Variants in SAMTOR observed in about 807,000 individuals in gnomAD.
The protein encoded by SAMTOR is UPF0532 protein C7orf60.
the SAMTOR span, among the ~76,000 whole-genome samples, chr7:112,930,972 G>T: frequency 2.0e-5 from 3 of 152,282 alleles, no homozygotes; most frequent in African/African-American, 7.2e-5. Flanking sequence ...TGCAACAGAG[G>T]AAAGTACACA....
chr7:112,879,812 GT>G, the SAMTOR span, among the ~76,000 whole-genome samples: 1 of 152,060 alleles, frequency 6.6e-6, no homozygotes. Context: ...TCTGGTAAGG[GT>G]TTTAGCTTAA....
At chr7:112,874,991 C>T in the SAMTOR span, among the ~76,000 whole-genome samples, 4 of 152,086 alleles carry the variant, frequency 2.6e-5, no homozygotes, top group Admixed American at 6.5e-5. Context: ...AAGTGCTAAG[C>T]GCTTAGACTA....
the SAMTOR span, among the ~76,000 whole-genome samples, chr7:112,918,698 A>C: frequency 6.6e-6 from 1 of 152,188 alleles, no homozygotes; most frequent in Non-Finnish European, 1.5e-5. Flanking sequence ...GTATTCAGGA[A>C]ACCCATCTCA....
chr7:112,834,391 TTTTCAA>T, the SAMTOR span, among the ~76,000 whole-genome samples: 1 of 152,188 alleles, frequency 6.6e-6, no homozygotes, highest in African/African-American at 2.4e-5. Flanking sequence ...ACTTTTTTTT[TTTTCAA>T]TTTCATTTTT....
At chr7:112,892,662 C>G in the SAMTOR span, among the ~76,000 whole-genome samples, 1 of 151,806 alleles carries the variant, frequency 6.6e-6, no homozygotes, top group African/African-American at 2.4e-5. Context: ...GTGCCAGCTA[C>G]TGGGGAGGCT....
the SAMTOR span, among the ~76,000 whole-genome samples, chr7:112,884,634 T>C: frequency 6.6e-6 from 1 of 152,210 alleles, no homozygotes; most frequent in African/African-American, 2.4e-5. Flanking sequence ...CTGCAAGAGG[T>C]AGCCTCCCAC....
At chr7:112,910,523 C>T in the SAMTOR span, among the ~76,000 whole-genome samples, 1 of 152,112 alleles carries the variant, frequency 6.6e-6, no homozygotes, top group African/African-American at 2.4e-5. Flanking sequence ...GATTGATCCA[C>T]AAGCCAAAAT....
chr7:112,848,155 A>G, the SAMTOR span, among the ~76,000 whole-genome samples: 87 of 152,204 alleles, frequency 5.7e-4, no homozygotes, highest in African/African-American at 2.0e-3. Flanking sequence ...TCTGTATCTT[A>G]AAAAAATTTT....
the SAMTOR span, among the ~76,000 whole-genome samples, chr7:112,862,408 T>C: frequency 0.038 from 5,856 of 152,306 alleles, 159 homozygotes; most frequent in Middle Eastern, 0.088. Flanking sequence ...ATTGGCACTA[T>C]TGGGCATTCG....
the SAMTOR span, among the ~76,000 whole-genome samples, chr7:112,880,403 G>A: frequency 1.3e-5 from 2 of 152,062 alleles, no homozygotes; most frequent in African/African-American, 4.8e-5. Flanking sequence ...TTTCCCCAAA[G>A]TTATTCCCTG....
chr7:112,932,283 A>T, the SAMTOR span, among the ~76,000 whole-genome samples: 1 of 152,130 alleles, frequency 6.6e-6, no homozygotes, highest in Non-Finnish European at 1.5e-5. Flanking sequence ...CCACTACAAC[A>T]TCCTTATGAG....
At chr7:112,822,231 G>C in the SAMTOR span, 3 of 1,613,588 alleles carry the variant, frequency 1.9e-6, no homozygotes, top group Non-Finnish European at 2.5e-6. Context: ...AAGAAGGAGA[G>C]AGAAAACAAC....
the SAMTOR span, among the ~76,000 whole-genome samples, chr7:112,936,779 A>C: frequency 1.3e-5 from 2 of 151,982 alleles, no homozygotes; most frequent in East Asian, 1.9e-4. Context: ...CTCCCCAAAA[A>C]ACCCTCACCT....
the SAMTOR span, among the ~76,000 whole-genome samples, chr7:112,900,245 A>C: frequency 6.6e-6 from 1 of 152,224 alleles, no homozygotes; most frequent in South Asian, 2.1e-4. Flanking sequence ...GGAAAGCTCC[A>C]ATCCAAGTCC....
At chr7:112,883,940 G>A in the SAMTOR span, among the ~76,000 whole-genome samples, 2 of 152,154 alleles carry the variant, frequency 1.3e-5, no homozygotes, top group African/African-American at 2.4e-5. Flanking sequence ...AATTTATAAA[G>A]GAAATAGGTT....
chr7:112,843,524 G>A, the SAMTOR span, among the ~76,000 whole-genome samples: 4 of 151,820 alleles, frequency 2.6e-5, no homozygotes, highest in Non-Finnish European at 4.4e-5. Context: ...TTTAATTGGA[G>A]TGAAACTAGA....
chr7:112,858,465 T>G, the SAMTOR span, among the ~76,000 whole-genome samples: 1 of 152,092 alleles, frequency 6.6e-6, no homozygotes, highest in Non-Finnish European at 1.5e-5. Flanking sequence ...AATTCTGAGA[T>G]AGTAAAATCA....
the SAMTOR span, chr7:112,915,415 A>G: frequency 6.2e-7 from 1 of 1,613,032 alleles, no homozygotes; most frequent in Non-Finnish European, 8.5e-7. Flanking sequence ...TCATCCTCAC[A>G]GTGTTCTCGC....
chr7:112,839,265 G>A, the SAMTOR span, among the ~76,000 whole-genome samples: 7 of 151,862 alleles, frequency 4.6e-5, no homozygotes, highest in African/African-American at 1.7e-4. Context: ...GAGACTACAG[G>A]TACTTAAATA....
Sources: gnomAD v4.1 joint callset for allele counts (sites outside exome capture counted in the v4.1 genomes callset) on GRCh38, gnomAD v4.1.1 for gene constraint, MANE v1.5 for transcripts, NCBI Gene and HGNC (gene_info 2026-07-23, HGNC 2026-07-21) for gene names.